The following NLN variants were observed in gnomAD, a reference collection of about 807,000 sequenced individuals.
NLN encodes the protein neurolysin, mitochondrial.
NLN carries 64 observed loss-of-function variants against 79.9 expected under a neutral mutation model. The ratio of observed to expected loss-of-function variants is 0.80; its 90% CI spans 0.65 to 0.99. NLN has a LOEUF of 0.99. NLN is among the 50% of genes least tolerant of loss of function. The pLI is 0.00. For synonymous variants in NLN, 267 were observed against 296.6 expected, an observed-to-expected ratio of 0.90 and a Z score of 1.02; for missense variants, 835 against 858.7, an observed-to-expected ratio of 0.97 and a Z score of 0.34.
At chr5:65,821,293 T>C (rs539912673) in intron 12 of NLN, among the ~76,000 whole-genome samples, 1 of 152,260 alleles carries the variant, frequency 6.6e-6, no homozygotes, top group Admixed American at 6.5e-5. Context: ...TAGCAAACCT[T>C]CCTAAAGACT....
In NLN at chr5:65,823,806, G is replaced by A. The variant is rs977440639; in HGVS notation, c.*891G>A. 2 of 152,116 alleles carry A rather than the reference G, an allele frequency of 1.3e-5. No individual in the cohort carries two copies. Among genetic ancestry groups the A allele is most frequent in the African/African-American group, 4.8e-5 (2 of 41,386 alleles). 9.4% of individuals were successfully genotyped at this position (152,116 alleles called of 1,614,324 possible). Reference sequence around the variant, plus strand: ...GTCCCCAAAAGTGTCAGGTAGACATGTCACAAATGGCTCTGTAGAGAGCCA... The same window carrying A: ...GTCCCCAAAAGTGTCAGGTAGACATATCACAAATGGCTCTGTAGAGAGCCA... On this transcript the variant is annotated 3_prime_UTR_variant, in exon 13 of 13. Transcript: ENST00000380985.
intron 9 of NLN, among the ~76,000 whole-genome samples, chr5:65,798,186 T>G (rs1760210077): frequency 6.6e-6 from 1 of 152,226 alleles, no homozygotes; most frequent in African/African-American, 2.4e-5. Context: ...ATATACACAC[T>G]GCTTTACATT....
Position 65,785,398 on chromosome 5 carries a change from A to G in NLN, c.823-377A>G, listed in dbSNP as rs533016928. Among the ~76,000 whole-genome samples, 4 of 152,182 alleles carry G rather than the reference A, an allele frequency of 2.6e-5. No individual in the cohort carries two copies. In the South Asian group the frequency reaches 8.3e-4, roughly 32 times the overall value. On this transcript the variant is annotated intron_variant, in intron 6 of 12. Coordinates refer to ENST00000380985, the MANE Select transcript of NLN (RefSeq NM_020726.5). Reference sequence around the variant, plus strand: ...AAAAGATAAATTTTACGTTATGTGTATTTTACCACAATAAAAATGTCCAAA... The same window carrying G: ...AAAAGATAAATTTTACGTTATGTGTGTTTTACCACAATAAAAATGTCCAAA...
At chr5:65,746,441 T>C (rs1003718902) in intron 1 of NLN, among the ~76,000 whole-genome samples, 13 of 152,208 alleles carry the variant, frequency 8.5e-5, no homozygotes, top group Non-Finnish European at 1.8e-4. Flanking sequence ...TAGAAATCAC[T>C]GGGGACCTTG....
chr5:65,740,626 G>A (rs1056405844), intron 1 of NLN, among the ~76,000 whole-genome samples: 1 of 151,856 alleles, frequency 6.6e-6, no homozygotes, highest in African/African-American at 2.4e-5. Context: ...TCATTCGACT[G>A]CATGTGAATC....
chr5:65,758,528 G>T (rs1298936794), intron 1 of NLN, 39 bp from the exon 2 acceptor site: 1 of 1,493,222 alleles, frequency 6.7e-7, no homozygotes, highest in Non-Finnish European at 9.3e-7. Context: ...TGGACCAACA[G>T]AAATCCCTAA....
At chr5:65,768,757 C>T (rs371431970) in intron 3 of NLN, among the ~76,000 whole-genome samples, 11 of 152,250 alleles carry the variant, frequency 7.2e-5, no homozygotes, top group South Asian at 4.1e-4. Flanking sequence ...GCACATGGCA[C>T]GGGTTGGGAG....
intron 1 of NLN, among the ~76,000 whole-genome samples, chr5:65,731,958 C>G (rs1488911388): frequency 6.6e-6 from 1 of 151,656 alleles, no homozygotes; most frequent in East Asian, 1.9e-4. Context: ...ACCATGTTGC[C>G]CAGGCTGATC....
chr5:65,754,614 T>G (rs1309825587), intron 1 of NLN, among the ~76,000 whole-genome samples: 1 of 152,138 alleles, frequency 6.6e-6, no homozygotes, highest in African/African-American at 2.4e-5. Context: ...AATCTTCCCT[T>G]CTCTTCCTGA....
chr5:65,745,853 G>T (rs1021099349), intron 1 of NLN, among the ~76,000 whole-genome samples: 1 of 152,190 alleles, frequency 6.6e-6, no homozygotes, highest in Admixed American at 6.6e-5. Context: ...AGATTAGAAA[G>T]CATCCAGAAC....
In NLN at chr5:65,810,172, A is replaced by T. The variant is rs755508195; in HGVS notation, c.1843+7A>T. On this transcript the variant is annotated splice_region_variant and intron_variant, in intron 11 of 12. Transcript: ENST00000380985. ...GGAGTTGCAGCTACTCCAGGTATGT[A>T]ACTACTATGAATTGAGTTCATTTCT... 1.2e-6 allele frequency: 2 copies of T among 1,613,116 alleles called. No homozygotes were observed. Among genetic ancestry groups the T allele is most frequent in the East Asian group, 2.2e-5 (1 of 44,866 alleles).
chr5:65,728,109 C>A (rs891879426), intron 1 of NLN, among the ~76,000 whole-genome samples: 7 of 152,008 alleles, frequency 4.6e-5, no homozygotes, highest in South Asian at 2.1e-4. Context: ...GACAGCAATG[C>A]GTGTTCATTA....
chr5:65,780,320 T>A (rs775891245), intron 5 of NLN, 39 bp downstream of exon 5: 1 of 779,068 alleles, frequency 1.3e-6, no homozygotes. Flanking sequence ...TCATATAATT[T>A]AGGCAAATAG....
chr5:65,742,199 T>A (rs1758882246), intron 1 of NLN, among the ~76,000 whole-genome samples: 1 of 152,144 alleles, frequency 6.6e-6, no homozygotes, highest in Non-Finnish European at 1.5e-5. Flanking sequence ...AAATCTAAAA[T>A]AAAGTTACCT....
chr5:65,752,044 A>T (rs2150742895), intron 1 of NLN, among the ~76,000 whole-genome samples: 1 of 152,264 alleles, frequency 6.6e-6, no homozygotes, highest in South Asian at 2.1e-4. Flanking sequence ...GTTCAAGACC[A>T]TCCTGGGCAA....
intron 1 of NLN, among the ~76,000 whole-genome samples, chr5:65,734,211 G>C (rs916018224): frequency 7.2e-6 from 1 of 139,370 alleles, no homozygotes; most frequent in Non-Finnish European, 1.6e-5. Context: ...GTTGGAGGAG[G>C]CTGGCCTCAA....
intron 1 of NLN, among the ~76,000 whole-genome samples, chr5:65,731,194 C>T (rs1313429974): frequency 6.6e-6 from 1 of 152,214 alleles, no homozygotes; most frequent in African/African-American, 2.4e-5. Context: ...GGCTTGTTCT[C>T]ATGTCAGTGG....
At chr5:65,768,469 G>A (rs879545081) in intron 3 of NLN, among the ~76,000 whole-genome samples, 1 of 152,186 alleles carries the variant, frequency 6.6e-6, no homozygotes, top group Non-Finnish European at 1.5e-5. Flanking sequence ...CTCCTACCAT[G>A]TCCCTCCCTC....
intron 12 of NLN, among the ~76,000 whole-genome samples, chr5:65,822,075 A>C (rs1468253452): frequency 1.3e-5 from 2 of 152,226 alleles, no homozygotes; most frequent in African/African-American, 4.8e-5. Flanking sequence ...AGTGAAAGGG[A>C]AGTGAAAATA....
Sources: gnomAD v4.1 joint callset for allele counts (sites outside exome capture counted in the v4.1 genomes callset) on GRCh38, gnomAD v4.1.1 for gene constraint, MANE v1.5 for transcripts, NCBI Gene and HGNC (gene_info 2026-07-23, HGNC 2026-07-21) for gene names.